The following CDK14 variants were observed in gnomAD, a reference collection of about 807,000 sequenced individuals.
The protein encoded by CDK14 is cyclin dependent kinase 14, also known as cyclin-dependent kinase 14.
Under a neutral mutation model 60.7 loss-of-function variants are expected in CDK14, and 34 were observed. The ratio of observed to expected loss-of-function variants is 0.56; its 90% confidence interval spans 0.43 to 0.75. CDK14 has a LOEUF of 0.75. Ranked by LOEUF, CDK14 falls within the 30% of genes least tolerant of loss-of-function variation. CDK14 has a pLI of 0.00. For missense variants in CDK14, 482 were observed against 564.1 expected, an observed-to-expected ratio of 0.85 and a Z score of 1.47; for synonymous variants, 197 against 203.7, an observed-to-expected ratio of 0.97 and a Z score of 0.28.
chr7:91,178,299 C>G lies in CDK14; in HGVS notation c.*29-28866C>G, dbSNP rs1007913468. ...CTGGATCCCTTCCTTACACCTTATA[C>G]AAAAATGAATTCAAGATGGATTAAA... On this transcript the variant is annotated intron_variant, in intron 14 of 14. Transcript: ENST00000380050. 2.4e-5 allele frequency among the ~76,000 whole-genome samples: 3 copies of G among 125,448 alleles called. 1 individual carries two copies. Among genetic ancestry groups the G allele is most frequent in the African/African-American group, 9.0e-5 (3 of 33,326 alleles). The allele number at this position is 125,448 out of a possible 152,430, so 82.3% of individuals were successfully genotyped here.
intron 7 of CDK14, among the ~76,000 whole-genome samples, chr7:90,899,739 T>C (rs1387920706): frequency 6.6e-6 from 1 of 152,112 alleles, no homozygotes; most frequent in African/African-American, 2.4e-5. Flanking sequence ...AACAATGTTA[T>C]GGTGGGTTCA....
chr7:90,738,123 A>G (rs1464616118), intron 3 of CDK14, among the ~76,000 whole-genome samples: 3 of 152,194 alleles, frequency 2.0e-5, no homozygotes, highest in African/African-American at 7.2e-5. Context: ...CTCTGTGTGA[A>G]TATTCCACCA....
chr7:90,710,642 T>A, intron 2 of CDK14: 1 of 741,158 alleles, frequency 1.3e-6, no homozygotes, highest in Non-Finnish European at 1.6e-6. Context: ...TTCGTGCAGT[T>A]CTGCGTGAAG....
At chr7:91,146,477 A>C (rs1251240148) in intron 14 of CDK14, among the ~76,000 whole-genome samples, 1 of 152,192 alleles carries the variant, frequency 6.6e-6, no homozygotes, top group Non-Finnish European at 1.5e-5. Flanking sequence ...CTAGGTTCAC[A>C]GGCGTGAGCC....
intron 5 of CDK14, among the ~76,000 whole-genome samples, chr7:90,804,707 G>C (rs568592634): frequency 6.6e-6 from 1 of 152,004 alleles, no homozygotes; most frequent in Admixed American, 6.6e-5. Context: ...AAAGGATAAA[G>C]TTTGTTTTTT....
chr7:91,179,282 C>G (rs1349840421), intron 14 of CDK14, among the ~76,000 whole-genome samples: 1 of 142,438 alleles, frequency 7.0e-6, no homozygotes, highest in Non-Finnish European at 1.5e-5. Flanking sequence ...CATATTCTCA[C>G]TCATAGGTGG....
intron 14 of CDK14, among the ~76,000 whole-genome samples, chr7:91,137,694 GT>G (rs61367298): frequency 0.049 from 5,180 of 105,196 alleles, 95 homozygotes; most frequent in South Asian, 0.072. Context: ...CTTGTGGGGG[GT>G]GTGTGTGTGT....
chr7:90,950,046 T>A (rs1427466222), intron 8 of CDK14, among the ~76,000 whole-genome samples: 1 of 152,256 alleles, frequency 6.6e-6, no homozygotes, highest in Non-Finnish European at 1.5e-5. Flanking sequence ...GTTACTGTTA[T>A]TCGCATTGAG....
chr7:90,940,440 C>G (rs1476967526), intron 8 of CDK14, among the ~76,000 whole-genome samples: 1 of 151,984 alleles, frequency 6.6e-6, no homozygotes, highest in Non-Finnish European at 1.5e-5. Context: ...TAGTCATTTG[C>G]TACAAACAAT....
At chr7:90,949,176 G>A (rs1794183197) in intron 8 of CDK14, among the ~76,000 whole-genome samples, 1 of 152,014 alleles carries the variant, frequency 6.6e-6, no homozygotes, top group African/African-American at 2.4e-5. Context: ...ATGTGTGTGT[G>A]TGTATAGTTT....
chr7:90,826,319 A>C (rs1183195988), intron 5 of CDK14, among the ~76,000 whole-genome samples: 1 of 152,076 alleles, frequency 6.6e-6, no homozygotes, highest in Non-Finnish European at 1.5e-5. Flanking sequence ...CCCAGGTTCA[A>C]GCAATTCTCC....
intron 8 of CDK14, among the ~76,000 whole-genome samples, chr7:90,942,867 T>TG (rs1192224834): frequency 6.6e-6 from 1 of 152,208 alleles, no homozygotes; most frequent in Non-Finnish European, 1.5e-5. Flanking sequence ...TTAAGTTGAT[T>TG]TTTCCAAGAA....
chr7:90,981,841 A>T (rs950998482), intron 9 of CDK14, among the ~76,000 whole-genome samples: 9 of 152,176 alleles, frequency 5.9e-5, no homozygotes, highest in African/African-American at 1.9e-4. Context: ...ACACTGGATC[A>T]TCTGAACATC....
At position 91,205,118 on chromosome 7, in the gene CDK14, AAC is replaced by A. The variant is rs554593205; in HGVS notation, c.*29-2045_*29-2044del. On this transcript the variant is annotated intron_variant, in intron 14 of 14. Transcript: ENST00000380050. ...GTGAAATGGTACAGCCATGATGGAA[AAC>A]AGTTTGGCAGTTCCTCAAAAAGTTA... Among the ~76,000 whole-genome samples the A allele has an allele frequency of 4.2e-3, 646 of 152,298 alleles. 2 individuals carry two copies. The highest frequency in any genetic ancestry group is 0.015 in the African/African-American group (613 of 41,554).
intron 11 of CDK14, among the ~76,000 whole-genome samples, chr7:91,068,680 C>T (rs892946031): frequency 1.1e-4 from 17 of 152,042 alleles, no homozygotes; most frequent in Admixed American, 9.2e-4. Flanking sequence ...TGCATTCACT[C>T]GGTTCCCATA....
intron 14 of CDK14, among the ~76,000 whole-genome samples, chr7:91,167,904 A>G (rs1470580122): frequency 6.6e-6 from 1 of 152,248 alleles, no homozygotes; most frequent in Non-Finnish European, 1.5e-5. Flanking sequence ...TAGAAAATGT[A>G]TTTAACCCAA....
At chr7:90,916,227 T>G (rs558682263) in intron 7 of CDK14, among the ~76,000 whole-genome samples, 1 of 152,262 alleles carries the variant, frequency 6.6e-6, no homozygotes, top group Non-Finnish European at 1.5e-5. Flanking sequence ...CTAGTGATGG[T>G]GTGAACTCAA....
At chr7:91,018,725 CTG>C (rs1490272273) in intron 10 of CDK14, among the ~76,000 whole-genome samples, 2 of 152,212 alleles carry the variant, frequency 1.3e-5, no homozygotes, top group Non-Finnish European at 2.9e-5. Context: ...TCGCCCTTCT[CTG>C]TCTCTTCCTC....
chr7:90,605,593 T>G (rs1476018830), intron 2 of CDK14, among the ~76,000 whole-genome samples: 1 of 152,168 alleles, frequency 6.6e-6, no homozygotes, highest in East Asian at 1.9e-4. Flanking sequence ...TTGGTACCAT[T>G]TTTCTCTTTG....
Sources: gnomAD v4.1 joint callset for allele counts (sites outside exome capture counted in the v4.1 genomes callset) on GRCh38, gnomAD v4.1.1 for gene constraint, MANE v1.5 for transcripts, NCBI Gene and HGNC (gene_info 2026-07-23, HGNC 2026-07-21) for gene names.